NOXO1: variants seen among roughly 807,000 people sequenced by gnomAD.
The protein encoded by NOXO1 is NADPH oxidase regulatory protein.
Under a neutral mutation model 33.3 loss-of-function variants are expected in NOXO1, and 38 were observed. That is an observed-to-expected ratio of 1.14 (90% CI 0.88 to 1.50). The LOEUF (loss-of-function observed/expected upper bound fraction) is 1.50, where lower values mean the gene tolerates loss of function less well. NOXO1 is among the 40% of genes most tolerant of loss of function. The probability of loss-of-function intolerance (pLI) is 0.00; values close to 1 mark genes in which losing one functional copy is unlikely to be tolerated. For synonymous variants in NOXO1, 302 were observed against 237.3 expected (o/e 1.27, Z -2.51); for missense variants, 675 against 527.1 (o/e 1.28, Z -2.75).
At chr16:1,980,632 C>T in intron 3 of NOXO1, 24 bp downstream of exon 3, 2 of 1,599,050 alleles carry the variant, frequency 1.3e-6, no homozygotes, top group Non-Finnish European at 1.7e-6. Flanking sequence ...GCCTTCCCCG[C>T]TCCCGTACCC....
At chr16:1,980,908 C>A (rs1182895431) in intron 2 of NOXO1, 31 bp downstream of exon 2, 5 of 1,593,834 alleles carry the variant, frequency 3.1e-6, no homozygotes, top group Non-Finnish European at 8.6e-7. Context: ...AAGCCGCCAC[C>A]GCGGCATCAG....
At chr16:1,980,206 G>A in intron 4 of NOXO1, 25 bp from the exon 5 acceptor site, 1 of 1,582,618 alleles carries the variant, frequency 6.3e-7, no homozygotes, top group Non-Finnish European at 8.6e-7. Flanking sequence ...CCGTACGAGT[G>A]AGAGGTAGGC....
chr16:1,978,987 C>T lies in NOXO1; in HGVS notation c.*65G>A, dbSNP rs1490999957. 15 of 1,436,086 alleles carry T rather than the reference C, an allele frequency of 1.0e-5. No homozygotes were observed. In the East Asian group the frequency reaches 2.7e-4, roughly 26 times the overall value. 89.0% of individuals were successfully genotyped at this position (1,436,086 alleles called of 1,614,324 possible). Reference sequence around the variant, plus strand: ...CCCATCCCTGCTGGCCAGGGAGATCCGCCCTCCCCGCTCCTCCCCAGCCCT... The same window carrying T: ...CCCATCCCTGCTGGCCAGGGAGATCTGCCCTCCCCGCTCCTCCCCAGCCCT... On this transcript the variant is annotated 3_prime_UTR_variant, in exon 8 of 8. Coordinates refer to ENST00000356120, the MANE Select transcript of NOXO1 (RefSeq NM_172167.3).
Position 1,979,066 on chromosome 16 carries a change from T to C in NOXO1, c.1102A>G (p.Thr368Ala). ...GATCCTCGCGCTCACTGCTCCGTCG[T>C]GGGGTGCGGCACAGAGTCCACGCAC... ...RGCVDSVPHP[T>A]TEQ The change falls in exon 8 of 8, where the codon ACG becomes GCG. Residue 368 changes from threonine to alanine, a missense_variant. Coordinates refer to ENST00000356120, the MANE Select transcript of NOXO1 (RefSeq NM_172167.3). 1.3e-6 allele frequency: 2 copies of C among 1,544,900 alleles called. No homozygotes were observed. The highest frequency in any genetic ancestry group is 2.4e-5 in the South Asian group (2 of 84,616).
chr16:1,980,297 C>G, intron 4 of NOXO1, 70 bp downstream of exon 4: 1 of 1,521,112 alleles, frequency 6.6e-7, no homozygotes, highest in Non-Finnish European at 8.8e-7. Flanking sequence ...GCTGGCTGTT[C>G]CCCCCCACCC....
chr16:1,979,336 CCCGGTCGCCGTACCTGCGA>C lies in NOXO1; in HGVS notation c.819-6_831del, dbSNP rs1426939929. On this transcript the variant is annotated splice_acceptor_variant and splice_polypyrimidine_tract_variant and coding_sequence_variant and intron_variant, in exon 8 of 8. Coordinates refer to ENST00000356120, the MANE Select transcript of NOXO1 (RefSeq NM_172167.3). LOFTEE classifies it high-confidence loss of function. ...AGCAGCACCGCGGGGAGTAGGCCCG[CCCGGTCGCCGTACCTGCGA>C]GGGGCGGGGTGTGGTTAGGGCCCCG... is the stretch of plus-strand genomic sequence containing the variant. 3.8e-6 allele frequency: 6 copies of C among 1,575,476 alleles called. No homozygotes were observed. The highest frequency in any genetic ancestry group is 4.3e-6 in the Non-Finnish European group (5 of 1,168,140).
chr16:1,980,717 C>G lies in NOXO1; in HGVS notation c.162G>C (p.Glu54Asp), dbSNP rs1372772736. The part of the protein sequence containing the change: ...EFRQLKKTLK[E>D]TFPVEAGLLR... ...GCAGGCCCGCCTCCACCGGGAAGGT[C>G]TCCTTGAGGGTCTTCTGAGGGCGGG... The change falls in exon 3 of 8, where the codon GAG becomes GAC. Residue 54 changes from glutamate to aspartate, a missense_variant. By Grantham distance (45) the Glu-to-Asp change is conservative. Transcript: ENST00000356120. The G allele has an allele frequency of 6.2e-7, 1 of 1,604,138 alleles. No homozygotes were observed.
rs765040534 is a variant in NOXO1 at position 1,980,329 on chromosome 16, C to A, written c.401+38G>T. On this transcript the variant is annotated intron_variant, in intron 4 of 7. Transcript: ENST00000356120. Reference sequence around the variant, plus strand: ...ACCCTGGACCTCTCCCAGCTCCAAACGCCGCTGCATGCTGGGAGTTTGGGG... The same window carrying A: ...ACCCTGGACCTCTCCCAGCTCCAAAAGCCGCTGCATGCTGGGAGTTTGGGG... 7 of 1,580,694 alleles carry A rather than the reference C, an allele frequency of 4.4e-6. No homozygotes were observed. In the Admixed American group the frequency reaches 1.0e-4, roughly 23 times the overall value.
At position 1,980,500 on chromosome 16, in the gene NOXO1, C is replaced by G; in HGVS notation, c.268G>C (p.Ala90Pro). ...GRVGRTSRGL[A>P]RLQLLETYSR... ...TAGGTTTCCAACAGCTGCAGGCGCG[C>G]CAGGCCGCGGCTCGTGCGCCCCACG... Residue 90 changes from alanine (A) to proline (P), a missense_variant, in exon 4 of 8, where the codon GCG becomes CCG. Physicochemically the swap from Ala to Pro is conservative, Grantham distance 27 (BLOSUM62 -1). Transcript: ENST00000356120. The G allele has an allele frequency of 2.5e-6, 4 of 1,603,138 alleles. No individual in the cohort carries two copies. In the South Asian group the frequency reaches 3.3e-5, roughly 13 times the overall value.
chr16:1,980,009 G>C lies in NOXO1; in HGVS notation c.574C>G (p.Arg192Gly). Residue 192 changes from arginine to glycine, a missense_variant, in exon 5 of 8, where the codon CGG becomes GGG. Physicochemically the swap from Arg to Gly is moderately radical, Grantham distance 125. Coordinates refer to ENST00000356120, the MANE Select transcript of NOXO1 (RefSeq NM_172167.3). ...TGGGGGGCCCTACCTGAGGGGTGCCGCAGCAGCACGTCCAGGCTCTCCTGG... is the reference window on the plus strand; with the variant it reads ...TGGGGGGCCCTACCTGAGGGGTGCCCCAGCAGCACGTCCAGGCTCTCCTGG... The part of the protein sequence containing the change: ...QAQESLDVLL[R>G]HPSGWWLVEN... 6.2e-7 allele frequency: 1 copy of C among 1,603,892 alleles called. No homozygotes were observed. The highest frequency in any genetic ancestry group is 8.5e-7 in the Non-Finnish European group (1 of 1,176,510).
chr16:1,980,590 C>G, intron 3 of NOXO1, 46 bp from the exon 4 acceptor site: 3 of 1,594,334 alleles, frequency 1.9e-6, no homozygotes, highest in Non-Finnish European at 2.6e-6. Flanking sequence ...CTTTGGGCTT[C>G]ACTGGTCCCT....
chr16:1,981,060 C>T (rs1051919300), intron 1 of NOXO1, 41 bp from the exon 2 acceptor site: 12 of 1,609,404 alleles, frequency 7.5e-6, no homozygotes, highest in Non-Finnish European at 1.0e-5. Context: ...AGGTGCTGGT[C>T]CAGGCACCCC....
rs2083452524 is a variant in NOXO1 at position 1,979,473 on chromosome 16, G to A, written c.770C>T (p.Ala257Val). Reference protein sequence around the residue: ...RADELSVPAGARVRVLETSDR... With the variant: ...RADELSVPAGVRVRVLETSDR... Reference sequence around the variant, plus strand: ...TGACGTTTCCAACACGCGCACGCGCGCCCCCGCGGGCACGGACAGCTCATC... The same window carrying A: ...TGACGTTTCCAACACGCGCACGCGCACCCCCGCGGGCACGGACAGCTCATC... The change falls in exon 7 of 8, where the codon GCG becomes GTG. Residue 257 changes from alanine (A) to valine (V), a missense_variant. By Grantham distance (64) the Ala-to-Val change is moderately conservative. Transcript: ENST00000356120. 2 of 1,611,644 alleles carry A rather than the reference G, an allele frequency of 1.2e-6. No individual in the cohort carries two copies. Among genetic ancestry groups the A allele is most frequent in the South Asian group, 2.2e-5 (2 of 90,948 alleles).
intron 6 of NOXO1, 21 bp downstream of exon 6, chr16:1,979,769 G>C (rs1207209232): frequency 1.3e-6 from 2 of 1,487,282 alleles, no homozygotes; most frequent in Admixed American, 2.1e-5. Context: ...GGTGGCGTGA[G>C]GGGTGGGGTT....
chr16:1,980,518 G>A lies in NOXO1; in HGVS notation c.250C>T (p.Arg84Cys), dbSNP rs765720641. Reference sequence around the variant, plus strand: ...AGGCGCGCCAGGCCGCGGCTCGTGCGCCCCACGCGTCCCAACAGTGGTGCA... The same window carrying A: ...AGGCGCGCCAGGCCGCGGCTCGTGCACCCCACGCGTCCCAACAGTGGTGCA... ...LDAPLLGRVGRTSRGLARLQL... is the reference protein window; with the variant it reads ...LDAPLLGRVGCTSRGLARLQL... The change falls in exon 4 of 8, where the codon CGC becomes TGC. Residue 84 changes from arginine (R) to cysteine (C), a missense_variant. Arg to Cys is a radical substitution (Grantham distance 180). Transcript: ENST00000356120. 8 of 1,603,002 alleles carry A rather than the reference G, an allele frequency of 5.0e-6. No individual in the cohort carries two copies. The South Asian group carries it at 7.7e-5, about 15-fold the overall frequency.
rs761437131 is a variant in NOXO1, at chr16:1,980,007, C to T, written c.576G>A (p.Arg192=). 23 of 1,603,566 alleles carry T rather than the reference C, an allele frequency of 1.4e-5. No individual in the cohort carries two copies. In the South Asian group the frequency reaches 2.0e-4, roughly 14 times the overall value. ...CTTGGGGGGCCCTACCTGAGGGGTG[C>T]CGCAGCAGCACGTCCAGGCTCTCCT... is the stretch of plus-strand genomic sequence containing the variant. ...QAQESLDVLL[R]HPSGWWLVEN... Residue 192 remains arginine, a synonymous_variant, in exon 5 of 8, where the codon CGG becomes CGA. Coordinates refer to ENST00000356120, the MANE Select transcript of NOXO1 (RefSeq NM_172167.3).
In NOXO1 at chr16:1,979,038, C is replaced by A; in HGVS notation, c.*14G>T. On this transcript the variant is annotated 3_prime_UTR_variant, in exon 8 of 8. Transcript: ENST00000356120. ...GGGATGGCGCGGTCCATCCCCTCAT[C>A]GGGATCCTCGCGCTCACTGCTCCGT... The A allele has an allele frequency of 6.5e-7, 1 of 1,540,492 alleles. No individual in the cohort carries two copies. Among genetic ancestry groups the A allele is most frequent in the Non-Finnish European group, 8.7e-7 (1 of 1,153,212 alleles).
In NOXO1 at chr16:1,981,103, C is replaced by T; in HGVS notation, c.66+11G>A. 1.2e-6 allele frequency: 2 copies of T among 1,612,924 alleles called. No homozygotes were observed. Among genetic ancestry groups the T allele is most frequent in the Non-Finnish European group, 1.7e-6 (2 of 1,179,494 alleles). ...TCCCTTGGGGCCACTAAGGACCCAG[C>T]CAGGTCTTACTTGGAGCCTCTTGAT... On this transcript the variant is annotated intron_variant, in intron 1 of 7. Transcript: ENST00000356120.
In NOXO1 at chr16:1,981,142, G is replaced by A. The variant is rs1358642313; in HGVS notation, c.38C>T (p.Ala13Val). The A allele has an allele frequency of 1.2e-6, 2 of 1,613,424 alleles. No individual in the cohort carries two copies. Among genetic ancestry groups the A allele is most frequent in the Admixed American group, 1.7e-5 (1 of 60,010 alleles). Residue 13 changes from alanine to valine, a missense_variant, in exon 1 of 8, where the codon GCA becomes GTA. Coordinates refer to ENST00000356120, the MANE Select transcript of NOXO1 (RefSeq NM_172167.3). The stretch of plus-strand genomic sequence containing the variant: ...GAGCCTCTTGATCTGCACCAGGGCT[G>A]CCCCTTGCACTGAAACTGGGTATCG... ...GPRYPVSVQG[A>V]ALVQIKRLQT...
Sources: gnomAD v4.1 joint callset for allele counts on GRCh38, gnomAD v4.1.1 for gene constraint, MANE v1.5 for transcripts, NCBI Gene and HGNC (gene_info 2026-07-23, HGNC 2026-07-21) for gene names.